The following EYS variants were observed in gnomAD, a reference collection of about 807,000 sequenced individuals.
The protein encoded by EYS is EGF-like photoreceptor maintenance factor.
In EYS, 250 loss-of-function variants were observed where a neutral mutation model predicts 282.1. That is an observed-to-expected ratio of 0.89 (90% CI 0.80 to 0.98). EYS has a LOEUF of 0.98. Ranked by LOEUF, EYS falls within the 50% of genes least tolerant of loss-of-function variation. The probability of loss-of-function intolerance (pLI) is 0.00; values close to 1 mark genes in which losing one functional copy is unlikely to be tolerated. For missense variants in EYS, 4,016 were observed against 3,709.0 expected, an observed-to-expected ratio of 1.08 and a Z score of -2.15; for synonymous variants, 1,355 against 1,282.9, an observed-to-expected ratio of 1.06 and a Z score of -1.20.
At position 64,670,402 on chromosome 6, in the gene EYS, A is replaced by AAAATAAATAAAT. The variant is rs60435635; in HGVS notation, c.3444-44169_3444-44158dup. On this transcript the variant is annotated intron_variant, in intron 22 of 42. Coordinates refer to ENST00000503581, the MANE Select transcript of EYS (RefSeq NM_001142800.2). ...TTACTTTAACAATATGAAGTGGCCC[A>AAAATAAATAAAT]AAATAAATAAATAAATAAATAAATA... is the stretch of plus-strand genomic sequence containing the variant. Among the ~76,000 whole-genome samples, 317 of 145,516 alleles carry AAAATAAATAAAT rather than the reference A, an allele frequency of 2.2e-3. 2 individuals carry two copies. The highest frequency in any genetic ancestry group is 3.4e-3 in the African/African-American group (133 of 39,068).
intron 12 of EYS, among the ~76,000 whole-genome samples, chr6:65,220,264 A>G (rs2150258582): frequency 6.6e-6 from 1 of 152,116 alleles, no homozygotes; most frequent in African/African-American, 2.4e-5. Context: ...AAAAAAATTC[A>G]CTCTTCATTA....
intron 31 of EYS, among the ~76,000 whole-genome samples, chr6:64,193,586 G>T (rs951090782): frequency 1.3e-5 from 2 of 151,908 alleles, no homozygotes; most frequent in African/African-American, 4.8e-5. Flanking sequence ...GTGCCATGTT[G>T]GTGTACTGCA....
Position 65,401,951 on chromosome 6 carries a change from A to G in EYS, c.1184+527T>C, listed in dbSNP as rs187048044. ...CTATTTAAAATTGACTAAATTATAC[A>G]CCCAGATTCTTGGGTCACTTCTGCC... On this transcript the variant is annotated intron_variant, in intron 7 of 42. Transcript: ENST00000503581. Among the ~76,000 whole-genome samples, 622 of 152,050 alleles carry G rather than the reference A, an allele frequency of 4.1e-3. 5 individuals carry two copies. Among genetic ancestry groups the G allele is most frequent in the African/African-American group, 0.014 (589 of 41,540 alleles).
intron 24 of EYS, among the ~76,000 whole-genome samples, chr6:64,611,334 G>A (rs927656624): frequency 1.3e-5 from 2 of 152,248 alleles, no homozygotes; most frequent in East Asian, 3.9e-4. Flanking sequence ...CTAATCCTTA[G>A]GAGGAAGCCA....
At chr6:65,129,024 C>T (rs1450020812) in intron 12 of EYS, among the ~76,000 whole-genome samples, 2 of 151,994 alleles carry the variant, frequency 1.3e-5, no homozygotes, top group Non-Finnish European at 2.9e-5. Context: ...ACAACCATTT[C>T]ATCTTTGACA....
chr6:64,558,230 C>T (rs1765290435), intron 26 of EYS, among the ~76,000 whole-genome samples: 1 of 151,614 alleles, frequency 6.6e-6, no homozygotes, highest in African/African-American at 2.4e-5. Context: ...ATATTTTAAT[C>T]ATGAGCATTC....
At chr6:64,903,146 A>G (rs1236549734) in intron 16 of EYS, among the ~76,000 whole-genome samples, 3 of 152,146 alleles carry the variant, frequency 2.0e-5, no homozygotes, top group Admixed American at 6.5e-5. Flanking sequence ...ATTAATATTT[A>G]TAATAAACAG....
intron 33 of EYS, among the ~76,000 whole-genome samples, chr6:64,031,007 T>C (rs1294143477): frequency 6.6e-6 from 1 of 152,206 alleles, no homozygotes; most frequent in African/African-American, 2.4e-5. Flanking sequence ...GGTGACGGCG[T>C]GTGCCCTCAC....
At chr6:64,045,949 TTATA>T (rs909456868) in intron 33 of EYS, among the ~76,000 whole-genome samples, 2 of 144,764 alleles carry the variant, frequency 1.4e-5, no homozygotes, top group Non-Finnish European at 3.0e-5. Flanking sequence ...TATGTGTGTA[TTATA>T]TATTTTATAT....
At chr6:64,939,556 A>G (rs942633613) in intron 15 of EYS, among the ~76,000 whole-genome samples, 4 of 152,010 alleles carry the variant, frequency 2.6e-5, no homozygotes, top group African/African-American at 9.7e-5. Flanking sequence ...TTATTTAAAT[A>G]AAATTAATAC....
intron 36 of EYS, among the ~76,000 whole-genome samples, chr6:63,851,646 C>T (rs536720830): frequency 3.2e-4 from 48 of 152,194 alleles, no homozygotes; most frequent in Non-Finnish European, 4.4e-4. Context: ...CACAACATAT[C>T]AGAACTTTGG....
intron 1 of EYS, among the ~76,000 whole-genome samples, chr6:65,683,861 T>C (rs1768915489): frequency 6.6e-6 from 1 of 152,038 alleles, no homozygotes; most frequent in South Asian, 2.1e-4. Context: ...CTCTCAACCA[T>C]GTATAATTAA....
At chr6:64,215,508 T>G (rs1415195794) in intron 31 of EYS, among the ~76,000 whole-genome samples, 3 of 152,056 alleles carry the variant, frequency 2.0e-5, no homozygotes, top group Non-Finnish European at 4.4e-5. Flanking sequence ...AGAACTAGTT[T>G]GAGTGGAGGA....
chr6:64,461,948 A>G (rs777252241), intron 26 of EYS, among the ~76,000 whole-genome samples: 2 of 152,092 alleles, frequency 1.3e-5, no homozygotes, highest in Non-Finnish European at 2.9e-5. Flanking sequence ...TTTTTCTTTT[A>G]TTGAAAAAAG....
At chr6:63,806,437 ACGTTTTG>A in intron 36 of EYS, 65 bp from the exon 37 acceptor site, 1 of 1,378,768 alleles carries the variant, frequency 7.3e-7, no homozygotes, top group Non-Finnish European at 9.7e-7. Flanking sequence ...AGTGAGGGTT[ACGTTTTG>A]CTGATGCATC....
rs573978648 is a variant in EYS at position 65,175,461 on chromosome 6, A to G, written c.2024-117734T>C. The stretch of plus-strand genomic sequence containing the variant: ...GAGCAAAGCATATCATTTGAGTGGT[A>G]TGAGAAAGAAGAGATAAGGAAACCT... On this transcript the variant is annotated intron_variant, in intron 12 of 42. Transcript: ENST00000503581. 4.0e-5 allele frequency among the ~76,000 whole-genome samples: 6 copies of G among 151,528 alleles called. No individual in the cohort carries two copies. In the South Asian group the frequency reaches 8.3e-4, roughly 21 times the overall value.
chr6:63,995,730 T>C (rs73439190), intron 34 of EYS, among the ~76,000 whole-genome samples: 266 of 152,144 alleles, frequency 1.7e-3, no homozygotes, highest in African/African-American at 6.1e-3. Context: ...CTCACTTATA[T>C]GTAGAATCTA....
chr6:64,061,574 T>C (rs1000351021), intron 33 of EYS, among the ~76,000 whole-genome samples: 5 of 152,180 alleles, frequency 3.3e-5, no homozygotes, highest in African/African-American at 4.8e-5. Context: ...GTCCTACAGA[T>C]GTAAGATAGA....
intron 8 of EYS, among the ~76,000 whole-genome samples, chr6:65,383,681 G>A (rs10944795): frequency 0.41 from 62,538 of 151,332 alleles, 13,901 homozygotes; most frequent in South Asian, 0.5. Flanking sequence ...TTGCCTTTCA[G>A]ATAAAGCTGG....
Sources: allele counts gnomAD v4.1 joint callset (sites outside exome capture counted in the v4.1 genomes callset), GRCh38; gene constraint gnomAD v4.1.1; transcripts MANE v1.5; gene names NCBI Gene and HGNC (gene_info 2026-07-23, HGNC 2026-07-21).